ZCCHC14: variants seen among roughly 807,000 people sequenced by gnomAD.
ZCCHC14 encodes zinc finger CCHC-type containing 14.
In ZCCHC14, 16 loss-of-function variants were observed where a neutral mutation model predicts 85.0. That is an observed-to-expected ratio of 0.19 (90% CI 0.13 to 0.29). The LOEUF is 0.29. ZCCHC14 is among the 10% of genes least tolerant of loss of function. The probability of loss-of-function intolerance (pLI) is 1.00; values close to 1 mark genes in which losing one functional copy is unlikely to be tolerated. For synonymous variants in ZCCHC14, 775 were observed against 630.7 expected (o/e 1.23, Z -3.43); for missense variants, 1,303 against 1,443.5 (o/e 0.90, Z 1.58).
intron 3 of ZCCHC14, among the ~76,000 whole-genome samples, chr16:87,425,532 C>T (rs757906943): frequency 3.3e-5 from 5 of 151,408 alleles, no homozygotes; most frequent in East Asian, 1.9e-4. Flanking sequence ...GCCGAGATCG[C>T]GCCATTGCAC....
intron 2 of ZCCHC14, among the ~76,000 whole-genome samples, chr16:87,449,563 G>C (rs1465402267): frequency 2.6e-5 from 4 of 151,986 alleles, no homozygotes; most frequent in Non-Finnish European, 5.9e-5. Context: ...GGTCAACAGA[G>C]ACCTACAGAA....
chr16:87,411,267 G>C, intron 12 of ZCCHC14: 1 of 1,082,210 alleles, frequency 9.2e-7, no homozygotes, highest in Non-Finnish European at 1.3e-6. Flanking sequence ...GTCCAGGGAG[G>C]CCCTGTCCAC....
intron 2 of ZCCHC14, among the ~76,000 whole-genome samples, chr16:87,438,893 G>A (rs907307514): frequency 1.6e-4 from 24 of 152,244 alleles, no homozygotes; most frequent in African/African-American, 5.3e-4. Flanking sequence ...GGCTCCAGAG[G>A]TGAAGTGTCC....
intron 1 of ZCCHC14, among the ~76,000 whole-genome samples, chr16:87,477,885 C>G (rs1416125815): frequency 6.6e-6 from 1 of 150,872 alleles, no homozygotes; most frequent in Admixed American, 6.6e-5. Flanking sequence ...AACACCGACA[C>G]GCCCCCACCG....
intron 2 of ZCCHC14, among the ~76,000 whole-genome samples, chr16:87,459,105 G>A (rs1374081532): frequency 6.6e-6 from 1 of 152,194 alleles, no homozygotes; most frequent in Non-Finnish European, 1.5e-5. Flanking sequence ...GGCTCAGGCC[G>A]CGCCTCACTA....
chr16:87,413,176 C>A lies in ZCCHC14; in HGVS notation c.1623G>T (p.Glu541Asp). ...SHAAELRVEV[E>D]QPHHQLPREG... ...CCCGGGGCAGCTGGTGATGGGGCTGCTCCACTTCCACCCGCAGCTCTGCAG... is the reference window on the plus strand; with the variant it reads ...CCCGGGGCAGCTGGTGATGGGGCTGATCCACTTCCACCCGCAGCTCTGCAG... Residue 541 changes from glutamate to aspartate, a missense_variant, in exon 11 of 13, where the codon GAG becomes GAT. This residue lies in a region of ZCCHC14 where 58 missense variants were observed against 88.2 expected (regional missense o/e 0.66). Transcript: ENST00000671377. 6.3e-7 allele frequency: 1 copy of A among 1,585,808 alleles called. No homozygotes were observed. The highest frequency in any genetic ancestry group is 2.3e-5 in the East Asian group (1 of 43,360).
chr16:87,460,395 T>A (rs930085904), intron 1 of ZCCHC14, among the ~76,000 whole-genome samples: 1 of 152,116 alleles, frequency 6.6e-6, no homozygotes, highest in Admixed American at 6.6e-5. Flanking sequence ...ACAGAAACTA[T>A]GGTAGCCAAA....
chr16:87,434,757 C>T (rs987563369), intron 2 of ZCCHC14, among the ~76,000 whole-genome samples: 2 of 151,972 alleles, frequency 1.3e-5, no homozygotes, highest in African/African-American at 2.4e-5. Context: ...TTTGGGGGGC[C>T]GAGGCAGGCA....
At chr16:87,463,547 G>A (rs966862967) in intron 1 of ZCCHC14, among the ~76,000 whole-genome samples, 1 of 151,918 alleles carries the variant, frequency 6.6e-6, no homozygotes, top group Non-Finnish European at 1.5e-5. Context: ...AGCTGGGCAC[G>A]GTGGCTCACG....
chr16:87,417,339 C>T (rs1431262570), intron 8 of ZCCHC14, 121 bp downstream of exon 8: 8 of 1,419,738 alleles, frequency 5.6e-6, no homozygotes, highest in Admixed American at 4.1e-5. Context: ...TAAGAACAGG[C>T]GCTGCGCCTC....
intron 8 of ZCCHC14, 93 bp from the exon 9 acceptor site, chr16:87,415,460 G>C (rs1207635080): frequency 1.8e-6 from 2 of 1,094,538 alleles, no homozygotes; most frequent in Admixed American, 4.0e-5. Flanking sequence ...CATTTATTCT[G>C]CCTCTGGGAT....
In ZCCHC14 at chr16:87,407,782, C is replaced by G. The variant is rs1457148655; in HGVS notation, c.*2498G>C. The G allele has an allele frequency of 6.6e-6, 1 of 152,438 alleles. No individual in the cohort carries two copies. Among genetic ancestry groups the G allele is most frequent in the Non-Finnish European group, 1.5e-5 (1 of 68,064 alleles). 9.4% of individuals were successfully genotyped at this position (152,438 alleles called of 1,614,324 possible). On this transcript the variant is annotated 3_prime_UTR_variant, in exon 13 of 13. Transcript: ENST00000671377. The stretch of plus-strand genomic sequence containing the variant: ...TTTTCAGATGAGGAAGTCTGATGAC[C>G]GCAAAACGCTCTTCAGACGCGCCGA...
intron 3 of ZCCHC14, among the ~76,000 whole-genome samples, chr16:87,431,290 G>A (rs1909645002): frequency 6.6e-6 from 1 of 151,846 alleles, no homozygotes; most frequent in Admixed American, 6.6e-5. Flanking sequence ...TGGCTAACAT[G>A]GTGAAACCCC....
chr16:87,452,791 C>T (rs1910768106), intron 2 of ZCCHC14, among the ~76,000 whole-genome samples: 1 of 152,096 alleles, frequency 6.6e-6, no homozygotes, highest in Non-Finnish European at 1.5e-5. Context: ...TGACCCCCCT[C>T]GTGACAGCAG....
At chr16:87,455,918 T>C (rs1376362013) in intron 2 of ZCCHC14, among the ~76,000 whole-genome samples, 6 of 152,212 alleles carry the variant, frequency 3.9e-5, no homozygotes, top group African/African-American at 1.4e-4. Flanking sequence ...TCTGAGCACA[T>C]TTAAGGTAGG....
At position 87,406,885 on chromosome 16, in the gene ZCCHC14, A is replaced by AC. The variant is rs35170696; in HGVS notation, c.*3394dup. 1 of 152,068 alleles carries AC rather than the reference A, an allele frequency of 6.6e-6. No individual in the cohort carries two copies. The highest frequency in any genetic ancestry group is 1.5e-5 in the Non-Finnish European group (1 of 68,050). The allele number at this position is 152,068 out of a possible 1,614,324, so 9.4% of individuals were successfully genotyped here. ...CACCTGCATGCTGGAAATGGCAGCC[A>AC]CCCCCGCTCAGGTCGCACAGGACTC... is the stretch of plus-strand genomic sequence containing the variant. On this transcript the variant is annotated 3_prime_UTR_variant, in exon 13 of 13. Coordinates refer to ENST00000671377, the MANE Select transcript of ZCCHC14 (RefSeq NM_015144.3).
At chr16:87,436,157 C>T (rs2150740500) in intron 2 of ZCCHC14, among the ~76,000 whole-genome samples, 1 of 152,340 alleles carries the variant, frequency 6.6e-6, no homozygotes, top group South Asian at 2.1e-4. Context: ...CCCATCTGGA[C>T]TGAGAGTAGG....
chr16:87,444,038 G>GAAAAA (rs56352252), intron 2 of ZCCHC14, among the ~76,000 whole-genome samples: 52 of 76,886 alleles, frequency 6.8e-4, no homozygotes, highest in Non-Finnish European at 8.1e-4. Flanking sequence ...CTCTATCACA[G>GAAAAA]AAAAAAAAAA....
chr16:87,434,990 CAAAAAAAAA>C (rs35789742), intron 2 of ZCCHC14, among the ~76,000 whole-genome samples: 1 of 74,388 alleles, frequency 1.3e-5, no homozygotes, highest in Non-Finnish European at 2.5e-5. Context: ...GACTTCGCCT[CAAAAAAAAA>C]AAAAAAAAAA....
Sources: gnomAD v4.1 joint callset for allele counts (sites outside exome capture counted in the v4.1 genomes callset) on GRCh38, gnomAD v4.1.1 for gene constraint, gnomAD v4.1.1 regional missense constraint, MANE v1.5 for transcripts, NCBI Gene and HGNC (gene_info 2026-07-23, HGNC 2026-07-21) for gene names.